Variants in CNTN4 observed in about 807,000 individuals in gnomAD.
CNTN4 encodes the protein contactin-4.
In CNTN4, 77 loss-of-function variants were observed where a neutral mutation model predicts 122.5. The ratio of observed to expected loss-of-function variants is 0.63; its 90% CI spans 0.52 to 0.76. The LOEUF (loss-of-function observed/expected upper bound fraction) is 0.76, where lower values mean the gene tolerates loss of function less well. CNTN4 is among the 30% of genes least tolerant of loss of function. CNTN4 has a pLI of 0.00. For synonymous variants in CNTN4, 512 were observed against 447.0 expected (o/e 1.15, Z -1.83); for missense variants, 1,256 against 1,259.1 (o/e 1.00, Z 0.04).
chr3:2,809,739 A>T (rs2092559463), intron 6 of CNTN4, among the ~76,000 whole-genome samples: 2 of 152,242 alleles, frequency 1.3e-5, no homozygotes, highest in African/African-American at 4.8e-5. Context: ...GGAGAACAAC[A>T]TTATTAACGG....
chr3:3,039,081 G>T, intron 19 of CNTN4, 78 bp downstream of exon 19: 1 of 1,289,802 alleles, frequency 7.8e-7, no homozygotes, highest in Non-Finnish European at 1.1e-6. Context: ...AGACATAGCT[G>T]GGAAGTTTCC....
chr3:2,330,560 T>C (rs1001954496), intron 2 of CNTN4, among the ~76,000 whole-genome samples: 8 of 152,028 alleles, frequency 5.3e-5, no homozygotes, highest in Non-Finnish European at 8.8e-5. Context: ...TTTCTTATTC[T>C]AAAGCACAAT....
chr3:2,546,865 C>A (rs557770348), intron 3 of CNTN4, among the ~76,000 whole-genome samples: 2 of 152,226 alleles, frequency 1.3e-5, no homozygotes, highest in Non-Finnish European at 2.9e-5. Context: ...GTAAGATTTA[C>A]ACCAATTTCA....
At chr3:2,780,482 G>A (rs532102650) in intron 6 of CNTN4, among the ~76,000 whole-genome samples, 1 of 152,156 alleles carries the variant, frequency 6.6e-6, no homozygotes, top group African/African-American at 2.4e-5. Flanking sequence ...AAGAATAAAA[G>A]ACTATATATT....
intron 2 of CNTN4, among the ~76,000 whole-genome samples, chr3:2,220,251 C>T (rs542015212): frequency 2.0e-5 from 3 of 152,166 alleles, no homozygotes; most frequent in Non-Finnish European, 4.4e-5. Context: ...CTTCAGTAAT[C>T]ATTCATCATA....
At chr3:2,893,472 G>A (rs1346926531) in intron 10 of CNTN4, among the ~76,000 whole-genome samples, 2 of 152,178 alleles carry the variant, frequency 1.3e-5, no homozygotes, top group Non-Finnish European at 2.9e-5. Context: ...AACTGATATT[G>A]ATACCCTCAA....
At chr3:2,531,659 C>T (rs2077601312) in intron 3 of CNTN4, among the ~76,000 whole-genome samples, 1 of 152,168 alleles carries the variant, frequency 6.6e-6, no homozygotes, top group East Asian at 1.9e-4. Flanking sequence ...AGTAGTGACT[C>T]TTTCCTGACT....
intron 4 of CNTN4, among the ~76,000 whole-genome samples, chr3:2,597,401 G>T (rs2080820264): frequency 1.3e-5 from 2 of 152,086 alleles, no homozygotes; most frequent in Non-Finnish European, 2.9e-5. Flanking sequence ...AGCTTTCAAG[G>T]GCCTTTGGCA....
At chr3:2,188,909 A>C (rs1559325950) in intron 2 of CNTN4, among the ~76,000 whole-genome samples, 1 of 152,130 alleles carries the variant, frequency 6.6e-6, no homozygotes, top group Non-Finnish European at 1.5e-5. Flanking sequence ...CAGGAGAGTT[A>C]ACTTTACTTA....
chr3:2,621,267 G>A (rs1205222295), intron 4 of CNTN4, among the ~76,000 whole-genome samples: 1 of 152,178 alleles, frequency 6.6e-6, no homozygotes, highest in Non-Finnish European at 1.5e-5. Flanking sequence ...CATTCTGGAA[G>A]GAAGTATTCT....
chr3:2,395,417 G>C (rs911463482), intron 3 of CNTN4, among the ~76,000 whole-genome samples: 1 of 152,068 alleles, frequency 6.6e-6, no homozygotes, highest in South Asian at 2.1e-4. Flanking sequence ...TATATTAATA[G>C]GATTATGGAT....
chr3:2,471,154 C>T (rs769131731), intron 3 of CNTN4, among the ~76,000 whole-genome samples: 25 of 152,204 alleles, frequency 1.6e-4, no homozygotes, highest in African/African-American at 3.6e-4. Flanking sequence ...AAGAGGTTAT[C>T]GAGTTCCCCA....
intron 2 of CNTN4, among the ~76,000 whole-genome samples, chr3:2,188,940 G>A (rs1474217414): frequency 1.3e-5 from 2 of 152,152 alleles, no homozygotes; most frequent in African/African-American, 4.8e-5. Flanking sequence ...CATGCCCCAA[G>A]TTCTTGAGAG....
intron 2 of CNTN4, among the ~76,000 whole-genome samples, chr3:2,278,957 C>T (rs1042528553): frequency 6.6e-6 from 1 of 151,868 alleles, no homozygotes; most frequent in Non-Finnish European, 1.5e-5. Context: ...AAATGACTCC[C>T]TGTTAGCTTT....
At position 2,736,243 on chromosome 3, in the gene CNTN4, T is replaced by C. The variant is rs769168400; in HGVS notation, c.84T>C (p.Phe28=). 57 of 1,613,684 alleles carry C rather than the reference T, an allele frequency of 3.5e-5. No individual in the cohort carries two copies. Among genetic ancestry groups the C allele is most frequent in the Non-Finnish European group, 4.5e-5 (53 of 1,179,810 alleles). The change falls in exon 5 of 25, where the codon TTT becomes TTC. Residue 28 remains phenylalanine, a synonymous_variant. Transcript: ENST00000418658. ...ATTCCACACTGCATGGCCCGATTTTTATTCAAGAACCAAGTCCTGTAATGT... is the reference window on the plus strand; with the variant it reads ...ATTCCACACTGCATGGCCCGATTTTCATTCAAGAACCAAGTCCTGTAATGT... ...ADDSTLHGPI[F]IQEPSPVMFP...
intron 6 of CNTN4, among the ~76,000 whole-genome samples, chr3:2,786,275 G>T (rs1329904459): frequency 1.3e-5 from 2 of 152,202 alleles, no homozygotes; most frequent in Non-Finnish European, 2.9e-5. Context: ...CCACTGAGTT[G>T]TTTTAACACT....
intron 4 of CNTN4, among the ~76,000 whole-genome samples, chr3:2,692,921 T>TTA (rs1553612726): frequency 2.6e-5 from 4 of 151,862 alleles, no homozygotes; most frequent in Non-Finnish European, 5.9e-5. Flanking sequence ...ATTTAAAATT[T>TTA]TTATCAAATT....
intron 3 of CNTN4, among the ~76,000 whole-genome samples, chr3:2,412,923 T>G (rs2047278756): frequency 6.6e-6 from 1 of 152,226 alleles, no homozygotes; most frequent in Non-Finnish European, 1.5e-5. Context: ...ACCTTCCTCA[T>G]AGAATTGTTT....
intron 3 of CNTN4, among the ~76,000 whole-genome samples, chr3:2,496,459 G>T (rs1000297996): frequency 6.6e-6 from 1 of 152,016 alleles, no homozygotes; most frequent in African/African-American, 2.4e-5. Flanking sequence ...ATTTATTATC[G>T]ATGAAGTGAA....
Sources: allele counts gnomAD v4.1 joint callset (sites outside exome capture counted in the v4.1 genomes callset), GRCh38; gene constraint gnomAD v4.1.1; transcripts MANE v1.5; gene names NCBI Gene and HGNC (gene_info 2026-07-23, HGNC 2026-07-21).